The following B3GALT1 variants were observed in gnomAD, a reference collection of about 807,000 sequenced individuals.
The protein encoded by B3GALT1 is beta-1,3-galactosyltransferase 1.
In B3GALT1, 10 loss-of-function variants were observed where a neutral mutation model predicts 23.2. The observed-to-expected ratio is 0.43, with a 90% CI of 0.27 to 0.73. The LOEUF is 0.73. B3GALT1 is among the 30% of genes least tolerant of loss of function. B3GALT1 has a pLI of 0.21. For synonymous variants in B3GALT1, 156 were observed against 141.5 expected (o/e 1.10, Z -0.73); for missense variants, 299 against 405.4 (o/e 0.74, Z 2.25).
intron 3 of B3GALT1, among the ~76,000 whole-genome samples, chr2:167,689,629 G>A (rs1429023134): frequency 6.6e-6 from 1 of 152,128 alleles, no homozygotes; most frequent in South Asian, 2.1e-4. Context: ...CAGAGGACTG[G>A]TGTGATCTGA....
chr2:167,528,560 G>A (rs1007248510), intron 2 of B3GALT1, among the ~76,000 whole-genome samples: 6 of 152,024 alleles, frequency 3.9e-5, no homozygotes, highest in African/African-American at 1.5e-4. Context: ...ATTCTACTTC[G>A]CTACTATGGT....
At chr2:167,505,836 G>T (rs1699909133) in intron 2 of B3GALT1, among the ~76,000 whole-genome samples, 1 of 152,072 alleles carries the variant, frequency 6.6e-6, no homozygotes, top group Admixed American at 6.6e-5. Flanking sequence ...GAGGCAGGCA[G>T]ATCACTTGAG....
At position 167,589,670 on chromosome 2, in the gene B3GALT1, C is replaced by T. The variant is rs539481250; in HGVS notation, c.-409-57239C>T. ...TTCATTAATCTGTCTTTTATGCTGA[C>T]ACTAGTACTACTTTTAGGGATTTTT... On this transcript the variant is annotated intron_variant, in intron 2 of 4. Coordinates refer to ENST00000392690, the MANE Select transcript of B3GALT1 (RefSeq NM_020981.4). 3.9e-5 allele frequency among the ~76,000 whole-genome samples: 6 copies of T among 152,134 alleles called. No individual in the cohort carries two copies. The East Asian group carries it at 1.2e-3, about 29-fold the overall frequency.
At chr2:167,316,696 A>G (rs1696725636) in intron 1 of B3GALT1, among the ~76,000 whole-genome samples, 1 of 152,136 alleles carries the variant, frequency 6.6e-6, no homozygotes, top group South Asian at 2.1e-4. Context: ...GTTGTCTGCC[A>G]GCATTCCCTA....
rs188982985 is a variant in B3GALT1, at chr2:167,656,905, G to T, written c.-352+9939G>T. Reference sequence around the variant, plus strand: ...AATAATGGTATTCAACAAATACCGAGAACCTATATTTGTTATGCACAGTGC... The same window carrying T: ...AATAATGGTATTCAACAAATACCGATAACCTATATTTGTTATGCACAGTGC... On this transcript the variant is annotated intron_variant, in intron 3 of 4. Transcript: ENST00000392690. Among the ~76,000 whole-genome samples the T allele has an allele frequency of 3.0e-3, 449 of 152,198 alleles. 1 individual carries two copies. Among genetic ancestry groups the T allele is most frequent in the Middle Eastern group, 0.014 (4 of 294 alleles).
chr2:167,607,860 A>G (rs879714015), intron 2 of B3GALT1, among the ~76,000 whole-genome samples: 12 of 152,164 alleles, frequency 7.9e-5, no homozygotes, highest in African/African-American at 2.7e-4. Flanking sequence ...TTCCATGTGA[A>G]TGGGGCCTTT....
In B3GALT1 at chr2:167,300,440, T is replaced by C. The variant is rs566977085; in HGVS notation, c.-511+7106T>C. On this transcript the variant is annotated intron_variant, in intron 1 of 4. Transcript: ENST00000392690. ...AAATTCCAAAGAGATTGTTGTAAAA[T>C]GTACAGATATTCTAAAGTTCATCTA... Among the ~76,000 whole-genome samples, 16 of 152,244 alleles carry C rather than the reference T, an allele frequency of 1.1e-4. No homozygotes were observed. In the East Asian group the frequency reaches 3.1e-3, roughly 29 times the overall value.
At position 167,461,879 on chromosome 2, in the gene B3GALT1, T is replaced by C. The variant is rs78027061; in HGVS notation, c.-510-28298T>C. Among the ~76,000 whole-genome samples, 884 of 152,322 alleles carry C rather than the reference T, an allele frequency of 5.8e-3. 9 individuals are homozygous for C. Among genetic ancestry groups the C allele is most frequent in the African/African-American group, 0.02 (848 of 41,578 alleles). On this transcript the variant is annotated intron_variant, in intron 1 of 4. Coordinates refer to ENST00000392690, the MANE Select transcript of B3GALT1 (RefSeq NM_020981.4). ...GCAATGTGACCTTTCCTTTCAAATATGTACCTATGTGTATGAACATGTATG... is the reference window on the plus strand; with the variant it reads ...GCAATGTGACCTTTCCTTTCAAATACGTACCTATGTGTATGAACATGTATG...
chr2:167,632,517 G>A (rs146798954), intron 2 of B3GALT1, among the ~76,000 whole-genome samples: 6 of 152,018 alleles, frequency 3.9e-5, no homozygotes, highest in African/African-American at 1.4e-4. Context: ...TCTCATTGTG[G>A]TTTTGATTTG....
chr2:167,821,342 C>G (rs773228801), intron 4 of B3GALT1, among the ~76,000 whole-genome samples: 1 of 150,328 alleles, frequency 6.7e-6, no homozygotes. Flanking sequence ...AACCCCCAAG[C>G]AGAAAGCAAA....
chr2:167,779,779 A>G (rs1688217585), intron 3 of B3GALT1, among the ~76,000 whole-genome samples: 2 of 152,332 alleles, frequency 1.3e-5, no homozygotes, highest in African/African-American at 2.4e-5. Flanking sequence ...TACATATTGC[A>G]TTGTTCTCAC....
chr2:167,850,377 C>CA (rs1263195526), intron 4 of B3GALT1, among the ~76,000 whole-genome samples: 1 of 152,012 alleles, frequency 6.6e-6, no homozygotes, highest in Non-Finnish European at 1.5e-5. Context: ...TGGCCATAAT[C>CA]AAAAAATCAA....
chr2:167,669,209 C>A (rs1044377854), intron 3 of B3GALT1, among the ~76,000 whole-genome samples: 1 of 152,138 alleles, frequency 6.6e-6, no homozygotes, highest in Non-Finnish European at 1.5e-5. Context: ...ACAAAAGCTT[C>A]ATAAGGGCTA....
At chr2:167,670,272 C>G (rs1686300314) in intron 3 of B3GALT1, among the ~76,000 whole-genome samples, 1 of 152,162 alleles carries the variant, frequency 6.6e-6, no homozygotes, top group Non-Finnish European at 1.5e-5. Context: ...CCCACCCTAG[C>G]TTTTCAGGAT....
intron 1 of B3GALT1, among the ~76,000 whole-genome samples, chr2:167,375,489 T>G (rs1313662834): frequency 6.6e-6 from 1 of 152,136 alleles, no homozygotes; most frequent in Non-Finnish European, 1.5e-5. Context: ...TGTTTTTCCA[T>G]TTGTTTGTTT....
intron 3 of B3GALT1, among the ~76,000 whole-genome samples, chr2:167,667,797 A>T (rs1028012650): frequency 6.6e-6 from 1 of 152,222 alleles, no homozygotes; most frequent in Non-Finnish European, 1.5e-5. Flanking sequence ...TTTCAGCTCC[A>T]TCAGATCCTT....
At chr2:167,405,412 G>A (rs1468537221) in intron 1 of B3GALT1, among the ~76,000 whole-genome samples, 3 of 152,012 alleles carry the variant, frequency 2.0e-5, no homozygotes, top group African/African-American at 4.8e-5. Context: ...CTATAACAGT[G>A]CAATAATTAT....
At chr2:167,471,604 A>G (rs1699419076) in intron 1 of B3GALT1, among the ~76,000 whole-genome samples, 2 of 152,208 alleles carry the variant, frequency 1.3e-5, no homozygotes, top group Admixed American at 6.6e-5. Context: ...AAGATGGAAC[A>G]TGGAAACTGA....
chr2:167,564,333 C>G (rs997631135), intron 2 of B3GALT1, among the ~76,000 whole-genome samples: 1 of 151,256 alleles, frequency 6.6e-6, no homozygotes, highest in Admixed American at 6.6e-5. Flanking sequence ...CTCCCCACCT[C>G]CTAGATGGGA....
Sources: gnomAD v4.1 joint callset for allele counts (sites outside exome capture counted in the v4.1 genomes callset) on GRCh38, gnomAD v4.1.1 for gene constraint, MANE v1.5 for transcripts, NCBI Gene and HGNC (gene_info 2026-07-23, HGNC 2026-07-21) for gene names.